CCDC171: variants seen among roughly 807,000 people sequenced by gnomAD.
The protein encoded by CCDC171 is coiled-coil domain-containing protein 171.
In CCDC171, 177 loss-of-function variants were observed where a neutral mutation model predicts 168.2. The ratio of observed to expected loss-of-function variants is 1.05; its 90% CI spans 0.93 to 1.19. The LOEUF (loss-of-function observed/expected upper bound fraction) is 1.19. CCDC171 is among the 50% of genes most tolerant of loss of function. CCDC171 has a pLI of 0.00. For synonymous variants in CCDC171, 687 were observed against 540.8 expected, an observed-to-expected ratio of 1.27 and a Z score of -3.75; for missense variants, 1,991 against 1,539.0, an observed-to-expected ratio of 1.29 and a Z score of -4.91.
chr9:15,654,411 T>A (rs1442438156), intron 7 of CCDC171, among the ~76,000 whole-genome samples: 1 of 152,214 alleles, frequency 6.6e-6, no homozygotes, highest in African/African-American at 2.4e-5. Context: ...TACAAAGGCC[T>A]CTAGAGAAGA....
intron 7 of CCDC171, among the ~76,000 whole-genome samples, chr9:15,628,521 C>G (rs2045372207): frequency 6.6e-6 from 1 of 152,188 alleles, no homozygotes; most frequent in Admixed American, 6.5e-5. Context: ...AACAAAGCAG[C>G]TGGGAAGCTT....
chr9:15,803,521 C>G (rs1317064337), intron 21 of CCDC171, among the ~76,000 whole-genome samples: 1 of 152,070 alleles, frequency 6.6e-6, no homozygotes, highest in Non-Finnish European at 1.5e-5. Flanking sequence ...AATAGGGAAT[C>G]CTTTCCCCAT....
At chr9:16,080,846 C>T in the CCDC171 span, among the ~76,000 whole-genome samples, 9 of 152,114 alleles carry the variant, frequency 5.9e-5, no homozygotes, top group African/African-American at 2.2e-4. Context: ...TTTCTGCTGC[C>T]CCCAGGCTGT....
chr9:15,723,626 T>TA, intron 12 of CCDC171, 55 bp from the exon 13 acceptor site: 2 of 1,333,556 alleles, frequency 1.5e-6, no homozygotes, highest in Non-Finnish European at 2.1e-6. Flanking sequence ...TTGAAAAATG[T>TA]AAAAAAGTTA....
chr9:15,571,514 A>G, intron 2 of CCDC171, 110 bp from the exon 3 acceptor site: 1 of 846,120 alleles, frequency 1.2e-6, no homozygotes, highest in Admixed American at 3.1e-5. Context: ...GTCAAGAACC[A>G]TGTCATGTTC....
intron 21 of CCDC171, among the ~76,000 whole-genome samples, chr9:15,785,438 C>G (rs904909312): frequency 2.0e-5 from 3 of 152,010 alleles, no homozygotes; most frequent in African/African-American, 7.2e-5. Context: ...CAAATAATAT[C>G]TATTTATTCT....
intron 7 of CCDC171, among the ~76,000 whole-genome samples, chr9:15,650,644 T>C (rs2047441682): frequency 6.6e-6 from 1 of 152,216 alleles, no homozygotes; most frequent in Non-Finnish European, 1.5e-5. Context: ...GATTTGTAAG[T>C]ATTTTCTCCC....
intron 16 of CCDC171, among the ~76,000 whole-genome samples, chr9:15,740,421 A>G (rs989934884): frequency 2.0e-5 from 3 of 150,600 alleles, no homozygotes; most frequent in Non-Finnish European, 3.0e-5. Flanking sequence ...GATTTTTTAA[A>G]TAGAGGTTTT....
chr9:15,986,223 C>T (rs2987022), intron 3 of CCDC171, among the ~76,000 whole-genome samples: 75,278 of 151,972 alleles, frequency 0.5, 20,033 homozygotes, highest in African/African-American at 0.71. Flanking sequence ...AGTTTAAAAG[C>T]AAAGAATTGA....
Position 15,664,027 on chromosome 9 carries a change from A to C in CCDC171, c.916-2136A>C, listed in dbSNP as rs1021780831. On this transcript the variant is annotated intron_variant, in intron 8 of 25. Transcript: ENST00000380701. ...CAACTCAGAAACAGTCAAATACCACATGATCTGACTTAGAATTGGGAGCTA... is the reference window on the plus strand; with the variant it reads ...CAACTCAGAAACAGTCAAATACCACCTGATCTGACTTAGAATTGGGAGCTA... Among the ~76,000 whole-genome samples the C allele has an allele frequency of 9.9e-5, 15 of 152,212 alleles. 1 individual carries two copies. The highest frequency in any genetic ancestry group is 3.6e-4 in the African/African-American group (15 of 41,464).
intron 21 of CCDC171, among the ~76,000 whole-genome samples, chr9:15,828,600 C>T (rs1008913579): frequency 2.0e-5 from 3 of 152,110 alleles, no homozygotes; most frequent in African/African-American, 7.2e-5. Flanking sequence ...AACAGATATG[C>T]ATAGATTTAA....
intron 24 of CCDC171, among the ~76,000 whole-genome samples, chr9:15,902,998 T>A (rs1245557756): frequency 6.6e-6 from 1 of 152,172 alleles, no homozygotes; most frequent in Non-Finnish European, 1.5e-5. Flanking sequence ...GCGCTCGCCA[T>A]TGCCTAGGCT....
chr9:15,894,968 A>C (rs769310556), intron 24 of CCDC171, among the ~76,000 whole-genome samples: 33 of 152,142 alleles, frequency 2.2e-4, no homozygotes, highest in Non-Finnish European at 4.0e-4. Flanking sequence ...TATTTGTTGA[A>C]TATGTTAATG....
At chr9:16,064,459 T>C (rs550878933), downstream of CCDC171, among the ~76,000 whole-genome samples, 2 of 152,100 alleles carry the variant, frequency 1.3e-5, no homozygotes, top group African/African-American at 2.4e-5. Context: ...AGAAAATGTG[T>C]GCAGACAAAT....
At chr9:15,676,199 C>G (rs1457308084) in intron 9 of CCDC171, among the ~76,000 whole-genome samples, 2 of 152,060 alleles carry the variant, frequency 1.3e-5, no homozygotes, top group Admixed American at 1.3e-4. Flanking sequence ...TCACGAAATT[C>G]TCGTGCTGTG....
At chr9:15,998,733 G>A (rs1030729547) in intron 3 of CCDC171, among the ~76,000 whole-genome samples, 6 of 152,104 alleles carry the variant, frequency 3.9e-5, no homozygotes, top group African/African-American at 1.4e-4. Context: ...ATGCCCTTCT[G>A]AAAAAAATTA....
chr9:15,993,137 A>G (rs12000681), intron 3 of CCDC171, among the ~76,000 whole-genome samples: 10,815 of 150,638 alleles, frequency 0.072, 1,306 homozygotes, highest in African/African-American at 0.25. Context: ...TCATTGCCAA[A>G]TCAATCCTAA....
the CCDC171 span, among the ~76,000 whole-genome samples, chr9:16,091,293 C>A: frequency 3.5e-4 from 53 of 152,210 alleles, no homozygotes; most frequent in African/African-American, 1.3e-3. Context: ...TCACCCCACA[C>A]TCACCATTCT....
chr9:15,709,496 G>T (rs538581658), intron 11 of CCDC171, among the ~76,000 whole-genome samples: 2 of 152,228 alleles, frequency 1.3e-5, no homozygotes, highest in East Asian at 3.9e-4. Context: ...TGAAAAGATT[G>T]TACGTCTTTC....
Sources: gnomAD v4.1 joint callset for allele counts (sites outside exome capture counted in the v4.1 genomes callset) on GRCh38, gnomAD v4.1.1 for gene constraint, MANE v1.5 for transcripts, NCBI Gene and HGNC (gene_info 2026-07-23, HGNC 2026-07-21) for gene names.